Variants in CSMD1 observed in about 807,000 individuals in gnomAD.
The protein encoded by CSMD1 is CUB and sushi domain-containing protein 1.
CSMD1 carries 213 observed loss-of-function variants against 417.5 expected under a neutral mutation model. The observed-to-expected ratio is 0.51, with a 90% CI of 0.46 to 0.57. The LOEUF (loss-of-function observed/expected upper bound fraction) is 0.57. Ranked by LOEUF, CSMD1 falls within the 20% of genes least tolerant of loss-of-function variation. The pLI, the probability that CSMD1 is intolerant of heterozygous loss-of-function variation, is 0.00. For missense variants in CSMD1, 6,923 were observed against 4,529.7 expected, an observed-to-expected ratio of 1.53 and a Z score of -15.17; for synonymous variants, 2,862 against 1,736.8, an observed-to-expected ratio of 1.65 and a Z score of -16.11.
At chr8:4,024,314 G>C (rs1392311392) in intron 4 of CSMD1, among the ~76,000 whole-genome samples, 3 of 152,112 alleles carry the variant, frequency 2.0e-5, no homozygotes, top group African/African-American at 7.2e-5. Flanking sequence ...TTACATAAAA[G>C]ACAATAATGA....
chr8:4,937,194 C>T (rs1340892067), intron 1 of CSMD1, among the ~76,000 whole-genome samples: 1 of 152,030 alleles, frequency 6.6e-6, no homozygotes, highest in East Asian at 1.9e-4. Context: ...GCCTGAGCAA[C>T]AGAGCCAGGC....
At chr8:3,336,859 G>A (rs1807297715) in intron 23 of CSMD1, among the ~76,000 whole-genome samples, 1 of 152,108 alleles carries the variant, frequency 6.6e-6, no homozygotes, top group Non-Finnish European at 1.5e-5. Context: ...ACCTTAATCT[G>A]TAGCATGTCT....
intron 5 of CSMD1, among the ~76,000 whole-genome samples, chr8:3,909,582 G>C (rs919233158): frequency 2.6e-5 from 4 of 152,088 alleles, no homozygotes; most frequent in African/African-American, 2.4e-5. Context: ...TCGTGGCATA[G>C]AGGGAAAACT....
At chr8:3,721,015 G>A (rs1287829530) in intron 6 of CSMD1, among the ~76,000 whole-genome samples, 1 of 152,006 alleles carries the variant, frequency 6.6e-6, no homozygotes, top group African/African-American at 2.4e-5. Context: ...TACAGACGGG[G>A]TTTCACCATG....
At chr8:2,990,019 A>T (rs1806239026) in intron 54 of CSMD1, among the ~76,000 whole-genome samples, 1 of 152,226 alleles carries the variant, frequency 6.6e-6, no homozygotes, top group African/African-American at 2.4e-5. Context: ...ATGGATACAG[A>T]ATGTTCTGAT....
intron 2 of CSMD1, among the ~76,000 whole-genome samples, chr8:4,560,227 G>C (rs532629790): frequency 6.6e-6 from 1 of 152,360 alleles, no homozygotes; most frequent in South Asian, 2.1e-4. Flanking sequence ...AAGAAGCCAT[G>C]TTTGCTCATT....
chr8:3,990,845 A>G (rs1372902787), intron 5 of CSMD1, among the ~76,000 whole-genome samples: 1 of 152,176 alleles, frequency 6.6e-6, no homozygotes, highest in African/African-American at 2.4e-5. Context: ...TGAATCAGAG[A>G]GTGCAGCTGC....
intron 7 of CSMD1, among the ~76,000 whole-genome samples, chr8:3,681,258 T>G (rs1486831269): frequency 1.3e-5 from 2 of 152,208 alleles, no homozygotes; most frequent in Non-Finnish European, 2.9e-5. Flanking sequence ...CGTCCCTCTT[T>G]GCAGATGACA....
intron 49 of CSMD1, among the ~76,000 whole-genome samples, chr8:3,065,304 T>C (rs1395293019): frequency 2.1e-5 from 1 of 48,224 alleles, no homozygotes; most frequent in Non-Finnish European, 5.0e-5. Context: ...GATAGATAGG[T>C]AGATAGATAG....
intron 3 of CSMD1, among the ~76,000 whole-genome samples, chr8:4,302,545 T>G (rs1798034638): frequency 6.6e-6 from 1 of 152,136 alleles, no homozygotes; most frequent in African/African-American, 2.4e-5. Context: ...GAGACCGTCT[T>G]GAAAGTCAGG....
At chr8:4,907,196 A>G (rs761925114) in intron 1 of CSMD1, among the ~76,000 whole-genome samples, 4 of 152,188 alleles carry the variant, frequency 2.6e-5, no homozygotes, top group Non-Finnish European at 5.9e-5. Context: ...TTTTTCCACA[A>G]CTTTTACTCT....
At position 2,950,243 on chromosome 8, in the gene CSMD1, TCCCC is replaced by T; in HGVS notation, c.10298_10301del (p.Trp3433TyrfsTer2). 6.2e-7 allele frequency: 1 copy of T among 1,603,602 alleles called. No individual in the cohort carries two copies. Among genetic ancestry groups the T allele is most frequent in the Non-Finnish European group, 8.5e-7 (1 of 1,170,528 alleles). ...CACATGTACTTACATAACCATCTAG[TCCCC>T]AGTTGTCATTTTCGAACTTGCTTAC... On this transcript the variant is annotated frameshift_variant, in exon 67 of 70. Transcript: ENST00000635120. LOFTEE classifies it high-confidence loss of function.
At chr8:4,181,759 G>C (rs1009598868) in intron 3 of CSMD1, among the ~76,000 whole-genome samples, 10 of 152,000 alleles carry the variant, frequency 6.6e-5, no homozygotes, top group African/African-American at 2.2e-4. Flanking sequence ...TTCTTATCTT[G>C]TCATTGAAAT....
intron 2 of CSMD1, among the ~76,000 whole-genome samples, chr8:4,455,049 C>G (rs565108156): frequency 6.6e-6 from 1 of 152,070 alleles, no homozygotes; most frequent in African/African-American, 2.4e-5. Context: ...CACAATATCA[C>G]CATGTTTAGG....
At chr8:3,194,606 T>A (rs974110047) in intron 33 of CSMD1, among the ~76,000 whole-genome samples, 1 of 150,682 alleles carries the variant, frequency 6.6e-6, no homozygotes, top group Non-Finnish European at 1.5e-5. Flanking sequence ...TACAGGCACA[T>A]GCCACCACAC....
intron 31 of CSMD1, among the ~76,000 whole-genome samples, chr8:3,204,830 A>C (rs995503546): frequency 1.3e-5 from 2 of 152,256 alleles, no homozygotes; most frequent in Non-Finnish European, 2.9e-5. Flanking sequence ...GATGACAGCT[A>C]CTATCTGGTT....
At chr8:4,257,264 G>C (rs73660713) in intron 3 of CSMD1, among the ~76,000 whole-genome samples, 43 of 152,076 alleles carry the variant, frequency 2.8e-4, no homozygotes, top group African/African-American at 9.9e-4. Flanking sequence ...TATTATACCA[G>C]TCTTTCTGTA....
intron 40 of CSMD1, among the ~76,000 whole-genome samples, chr8:3,149,355 T>C (rs142597841): frequency 1.3e-5 from 2 of 152,230 alleles, no homozygotes; most frequent in Non-Finnish European, 2.9e-5. Flanking sequence ...GTGACAAACA[T>C]TTGGAAGAAT....
chr8:3,497,368 G>C (rs1796410289), intron 10 of CSMD1, among the ~76,000 whole-genome samples: 1 of 151,898 alleles, frequency 6.6e-6, no homozygotes, highest in East Asian at 1.9e-4. Context: ...CATTATTTTT[G>C]TCTTTGTCTC....
Sources: allele counts gnomAD v4.1 joint callset (sites outside exome capture counted in the v4.1 genomes callset), GRCh38; gene constraint gnomAD v4.1.1; transcripts MANE v1.5; gene names NCBI Gene and HGNC (gene_info 2026-07-23, HGNC 2026-07-21).